Variants in GRIK5 observed in about 807,000 individuals in gnomAD.
GRIK5 encodes glutamate receptor ionotropic, kainate 5.
A neutral mutation model predicts 97.4 loss-of-function variants in GRIK5; 43 were observed. The ratio of observed to expected loss-of-function variants is 0.44; its 90% CI spans 0.35 to 0.57. GRIK5 has a LOEUF of 0.57. Among genes scored for constraint, GRIK5 ranks in the 20% least tolerant of loss-of-function variants. GRIK5 has a pLI of 0.01. For synonymous variants in GRIK5, 580 were observed against 583.5 expected, an observed-to-expected ratio of 0.99 and a Z score of 0.09; for missense variants, 1,015 against 1,382.0, an observed-to-expected ratio of 0.73 and a Z score of 4.21.
At chr19:42,051,970 C>A (rs759161208) in intron 11 of GRIK5, among the ~76,000 whole-genome samples, 4 of 152,200 alleles carry the variant, frequency 2.6e-5, no homozygotes, top group Non-Finnish European at 5.9e-5. Context: ...CTTTGGTAGT[C>A]CCTCATTGTG....
chr19:42,037,945 C>G (rs994560372), intron 12 of GRIK5, among the ~76,000 whole-genome samples: 7 of 152,224 alleles, frequency 4.6e-5, no homozygotes, highest in African/African-American at 1.4e-4. Context: ...GCTTCCTTCC[C>G]TCCTGCACAG....
At chr19:42,027,172 G>A (rs1176780883) in intron 12 of GRIK5, among the ~76,000 whole-genome samples, 7 of 152,176 alleles carry the variant, frequency 4.6e-5, no homozygotes, top group South Asian at 4.1e-4. Context: ...TTGGGGATAC[G>A]GCGGTGAATA....
At chr19:42,016,849 C>T (rs556887038) in intron 15 of GRIK5, among the ~76,000 whole-genome samples, 1 of 152,032 alleles carries the variant, frequency 6.6e-6, no homozygotes, top group African/African-American at 2.4e-5. Flanking sequence ...GTAGGACAGC[C>T]GGATAATTCG....
In GRIK5 at chr19:42,002,627, G is replaced by T; in HGVS notation, c.2514+705C>A. On this transcript the variant is annotated intron_variant, in intron 19 of 19. Coordinates refer to ENST00000593562, the MANE Select transcript of GRIK5 (RefSeq NM_002088.5). The surrounding 1 kb of genome is among the most constrained non-coding windows in gnomAD (Gnocchi z 5.2). ...GAGGCTGACAGAGAGAGGGGAAGCA[G>T]GGAACCAGCAGTCCAGGGGTGCAAG... 1.6e-6 allele frequency: 1 copy of T among 626,574 alleles called. No individual in the cohort carries two copies. The allele number at this position is 626,574 out of a possible 1,614,324, so 38.8% of individuals were successfully genotyped here.
chr19:42,010,779 T>C (rs971332020), intron 15 of GRIK5, among the ~76,000 whole-genome samples: 7 of 152,152 alleles, frequency 4.6e-5, no homozygotes, highest in Non-Finnish European at 1.0e-4. Flanking sequence ...ATAGAAAAGA[T>C]ATATTCCTCA....
At chr19:42,026,827 C>A (rs757399176) in intron 12 of GRIK5, among the ~76,000 whole-genome samples, 43 of 152,126 alleles carry the variant, frequency 2.8e-4, no homozygotes, top group Non-Finnish European at 1.5e-4. Flanking sequence ...CTCAGCCTCC[C>A]AAAGTGCTGG....
In GRIK5 at chr19:41,998,646, C is replaced by A. The variant is rs1255959684; in HGVS notation, c.*225G>T. On this transcript the variant is annotated 3_prime_UTR_variant, in exon 20 of 20. Coordinates refer to ENST00000593562, the MANE Select transcript of GRIK5 (RefSeq NM_002088.5). ...CAGCCCCTGGAGTCCTCGGTTCCTG[C>A]GCCCTTCTCGCCCGCGGCACCCTCT... The A allele has an allele frequency of 5.3e-6, 1 of 187,280 alleles. No individual in the cohort carries two copies. The highest frequency in any genetic ancestry group is 1.1e-5 in the Non-Finnish European group (1 of 92,262). The allele number at this position is 187,280 out of a possible 1,614,324, so 11.6% of individuals were successfully genotyped here.
chr19:42,067,421 G>A (rs2076350667), intron 1 of GRIK5, among the ~76,000 whole-genome samples: 2 of 152,196 alleles, frequency 1.3e-5, no homozygotes, highest in African/African-American at 4.8e-5. Flanking sequence ...ATGCTGGACA[G>A]GCTGGGGACT....
chr19:42,025,720 T>G (rs1035379199), intron 12 of GRIK5, among the ~76,000 whole-genome samples: 5 of 152,040 alleles, frequency 3.3e-5, no homozygotes, highest in Non-Finnish European at 5.9e-5. Context: ...CAGGCCACCA[T>G]CTCTGACTGA....
chr19:42,018,323 CA>C (rs1012859381), intron 15 of GRIK5, among the ~76,000 whole-genome samples: 61 of 121,994 alleles, frequency 5.0e-4, no homozygotes, highest in Admixed American at 1.0e-3. Context: ...GACTCTGTCT[CA>C]AAAAAAAAAA....
At chr19:42,039,135 T>C (rs1054809380) in intron 12 of GRIK5, among the ~76,000 whole-genome samples, 2 of 152,306 alleles carry the variant, frequency 1.3e-5, no homozygotes, top group Middle Eastern at 3.4e-3. Flanking sequence ...CTGTTACCAC[T>C]GCTTCCCCCA....
intron 12 of GRIK5, among the ~76,000 whole-genome samples, chr19:42,030,077 T>C (rs1458389271): frequency 6.6e-6 from 1 of 152,248 alleles, no homozygotes; most frequent in Non-Finnish European, 1.5e-5. Flanking sequence ...AGTTAGCTGG[T>C]TAACAACTTT....
chr19:42,029,588 A>G (rs1295893152), intron 12 of GRIK5, among the ~76,000 whole-genome samples: 1 of 152,078 alleles, frequency 6.6e-6, no homozygotes, highest in Non-Finnish European at 1.5e-5. Context: ...CAAAACAAAC[A>G]AAAAAACCCT....
chr19:42,069,075 G>T, intron 1 of GRIK5, 166 bp downstream of exon 1: 1 of 456,052 alleles, frequency 2.2e-6, no homozygotes, highest in South Asian at 4.3e-5. Flanking sequence ...AGGTCGAGGT[G>T]AATGGACGCT....
chr19:42,051,446 C>G (rs933980522), intron 11 of GRIK5, among the ~76,000 whole-genome samples: 7 of 152,184 alleles, frequency 4.6e-5, no homozygotes, highest in African/African-American at 1.4e-4. Context: ...GACTCCAGAT[C>G]TGGCCCCGCC....
Position 42,042,792 on chromosome 19 carries a change from G to A in GRIK5, c.1270-37C>T. 1 of 1,549,482 alleles carries A rather than the reference G, an allele frequency of 6.5e-7. No homozygotes were observed. Among genetic ancestry groups the A allele is most frequent in the Non-Finnish European group, 8.9e-7 (1 of 1,129,760 alleles). The stretch of plus-strand genomic sequence containing the variant: ...GAAGAAAGCAGGGGTCAGAGGCTGG[G>A]TGTCTAGTGGCTGGGTTGCGGATCC... On this transcript the variant is annotated intron_variant, in intron 11 of 19. Transcript: ENST00000593562. The surrounding 1 kb of genome is among the most constrained non-coding windows in gnomAD (Gnocchi z 6.9).
intron 15 of GRIK5, among the ~76,000 whole-genome samples, chr19:42,012,777 G>A (rs1405060916): frequency 6.6e-6 from 1 of 151,826 alleles, no homozygotes; most frequent in Non-Finnish European, 1.5e-5. Flanking sequence ...TGAGGTGGGA[G>A]GATTCCTTAA....
intron 12 of GRIK5, among the ~76,000 whole-genome samples, chr19:42,036,677 A>G (rs2146092147): frequency 6.6e-6 from 1 of 152,312 alleles, no homozygotes; most frequent in East Asian, 1.9e-4. Flanking sequence ...CTTCTATCAG[A>G]TGAAGAGAAC....
At position 42,042,515 on chromosome 19, in the gene GRIK5, G is replaced by C. The variant is rs1015112657; in HGVS notation, c.1473+37C>G. 1.3e-6 allele frequency: 2 copies of C among 1,560,058 alleles called. No individual in the cohort carries two copies. The highest frequency in any genetic ancestry group is 2.7e-5 in the African/African-American group (2 of 74,036). ...GCTGCCCGCCCTCCCTCACTCGCCG[G>C]GTCCATGCATCTTTCCCGGCCCCAG... On this transcript the variant is annotated intron_variant, in intron 12 of 19. Transcript: ENST00000593562. This position sits in a 1 kb window ranked among gnomAD's most constrained non-coding sequence, Gnocchi z 6.9.
Sources: gnomAD v4.1 joint callset for allele counts (sites outside exome capture counted in the v4.1 genomes callset) on GRCh38, gnomAD v4.1.1 for gene constraint, Gnocchi (gnomAD v3.1) non-coding constraint, MANE v1.5 for transcripts, NCBI Gene and HGNC (gene_info 2026-07-23, HGNC 2026-07-21) for gene names.